Variants in UCKL1 observed in about 807,000 individuals in gnomAD.
UCKL1 encodes uridine-cytidine kinase 1 like 1, also known as uridine-cytidine kinase-like 1.
A neutral mutation model predicts 59.2 loss-of-function variants in UCKL1; 65 were observed. The ratio of observed to expected loss-of-function variants is 1.10; its 90% CI spans 0.90 to 1.35. The LOEUF (loss-of-function observed/expected upper bound fraction) is 1.35. Among genes scored for constraint, UCKL1 ranks in the 40% most tolerant of loss-of-function variants. The pLI is 0.00. For synonymous variants in UCKL1, 410 were observed against 323.1 expected (o/e 1.27, Z -2.88); for missense variants, 703 against 784.3 (o/e 0.90, Z 1.24).
At position 63,945,983 on chromosome 20, in the gene UCKL1, G is replaced by A. The variant is rs933917697; in HGVS notation, c.412-8C>T. 3.1e-6 allele frequency: 5 copies of A among 1,613,522 alleles called. No homozygotes were observed. The highest frequency in any genetic ancestry group is 1.7e-5 in the Admixed American group (1 of 60,006). ...CTGCTGCTCAGTCAGCACCTGGTGG[G>A]GGAGGCTGTGGAGCAGCTGTGGGCA... On this transcript the variant is annotated splice_region_variant and splice_polypyrimidine_tract_variant and intron_variant, in intron 3 of 14. Transcript: ENST00000354216.
intron 8 of UCKL1, chr20:63,942,628 G>A (rs1376939865): frequency 6.9e-6 from 4 of 578,798 alleles, no homozygotes; most frequent in African/African-American, 1.9e-5. Context: ...AGGAGTGTGG[G>A]CGGTCAGGCC....
intron 13 of UCKL1, 26 bp downstream of exon 13, chr20:63,940,352 G>T (rs1045381622): frequency 7.8e-5 from 126 of 1,611,520 alleles, no homozygotes; most frequent in Non-Finnish European, 1.0e-4. Flanking sequence ...GCCTGAACCT[G>T]CCCCGCCTAC....
At chr20:63,944,796 A>G (rs1230774703) in intron 5 of UCKL1, 62 bp from the exon 6 acceptor site, 1 of 1,584,786 alleles carries the variant, frequency 6.3e-7, no homozygotes, top group African/African-American at 1.3e-5. Context: ...AGACACTGGG[A>G]CCAGCCCCTG....
chr20:63,943,926 AGT>A (rs1465204921), intron 7 of UCKL1, among the ~76,000 whole-genome samples: 3 of 152,094 alleles, frequency 2.0e-5, no homozygotes, highest in Non-Finnish European at 4.4e-5. Context: ...CCTGGTAGGG[AGT>A]GTGTTCAGAG....
chr20:63,945,467 C>G (rs1446648431), intron 5 of UCKL1, among the ~76,000 whole-genome samples, 184 bp downstream of exon 5: 2 of 152,226 alleles, frequency 1.3e-5, no homozygotes, highest in African/African-American at 2.4e-5. Context: ...CACGCTCTGC[C>G]TTTTGGGGCC....
chr20:63,945,278 TGA>T (rs2055847777), intron 5 of UCKL1, among the ~76,000 whole-genome samples: 1 of 152,148 alleles, frequency 6.6e-6, no homozygotes, highest in African/African-American at 2.4e-5. Flanking sequence ...CAGGCCAACC[TGA>T]GTCACACTCA....
chr20:63,942,594 A>T (rs775507913), intron 8 of UCKL1: 1 of 760,268 alleles, frequency 1.3e-6, no homozygotes, highest in South Asian at 1.6e-5. Flanking sequence ...GTTGGGGAGC[A>T]GGGCGTTCCC....
At chr20:63,946,673 CCA>C in intron 1 of UCKL1, 30 bp from the exon 2 acceptor site, 3 of 1,591,816 alleles carry the variant, frequency 1.9e-6, no homozygotes, top group Non-Finnish European at 2.6e-6. Context: ...CGGATGTGGC[CCA>C]GAGCTGCCCA....
chr20:63,955,103 C>A (rs979396696), intron 1 of UCKL1: 3 of 152,122 alleles, frequency 2.0e-5, no homozygotes, highest in Non-Finnish European at 4.4e-5. Flanking sequence ...AAAAATTAGC[C>A]GGGCGTGGTG....
intron 8 of UCKL1, chr20:63,941,487 G>A: frequency 2.0e-6 from 1 of 489,064 alleles, no homozygotes; most frequent in Non-Finnish European, 3.9e-6. Flanking sequence ...CCCAGTGCGG[G>A]ACCCCTCCTG....
At chr20:63,941,880 G>C (rs2146390833) in intron 8 of UCKL1, among the ~76,000 whole-genome samples, 1 of 151,718 alleles carries the variant, frequency 6.6e-6, no homozygotes, top group East Asian at 2.0e-4. Context: ...GAAAGGGGGT[G>C]ATGCAGGGGC....
At position 63,944,397 on chromosome 20, in the gene UCKL1, C is replaced by T. The variant is rs1194086815; in HGVS notation, c.906G>A (p.Glu302=). The part of the protein sequence containing the change: ...IVQHVHSQLE[E]RELSVRAALA... ...CGTGGGGACGTGGGACCCCGCTCAC[C>T]TCCTCCAGCTGGCTGTGCACGTGCT... The change falls in exon 7 of 15, where the codon GAG becomes GAA. Residue 302 remains glutamate (E), a splice_region_variant and synonymous_variant. Transcript: ENST00000354216. The T allele has an allele frequency of 5.8e-6, 9 of 1,560,542 alleles. No individual in the cohort carries two copies. In the South Asian group the frequency reaches 5.9e-5, roughly 10 times the overall value.
rs2057473329 is a variant in UCKL1 at position 63,950,820 on chromosome 20, T to C, written c.114-4177A>G. 2.0e-6 allele frequency: 3 copies of C among 1,533,712 alleles called. No individual in the cohort carries two copies. In the African/African-American group the frequency reaches 4.2e-5, roughly 21 times the overall value. On this transcript the variant is annotated intron_variant, in intron 1 of 14. Transcript: ENST00000354216. The stretch of plus-strand genomic sequence containing the variant: ...CTGATGCCAGGGTAAGCTGGGGGGC[T>C]GCTCATGGTCGAGGACACGGGTGGG...
intron 8 of UCKL1, 57 bp downstream of exon 8, chr20:63,943,596 G>A: frequency 1.2e-6 from 2 of 1,611,522 alleles, no homozygotes; most frequent in Non-Finnish European, 1.7e-6. Context: ...AGACCCCAGA[G>A]CTCCTTGGAG....
chr20:63,945,516 T>G, intron 5 of UCKL1, 135 bp downstream of exon 5: 2 of 852,514 alleles, frequency 2.3e-6, no homozygotes, highest in Non-Finnish European at 1.8e-6. Flanking sequence ...GGGGTTGGGG[T>G]TGGGGTAGGG....
At chr20:63,942,629 C>T (rs546793558) in intron 8 of UCKL1, 6 of 563,642 alleles carry the variant, frequency 1.1e-5, no homozygotes, top group South Asian at 4.6e-5. Context: ...GGAGTGTGGG[C>T]GGTCAGGCCC....
intron 1 of UCKL1, among the ~76,000 whole-genome samples, chr20:63,949,213 T>C (rs778819091): frequency 6.6e-5 from 10 of 152,088 alleles, no homozygotes; most frequent in Non-Finnish European, 1.3e-4. Context: ...GAGATCGTTC[T>C]GGAGCTGAGT....
intron 1 of UCKL1, chr20:63,954,539 G>A (rs2058237420): frequency 6.6e-6 from 1 of 152,386 alleles, no homozygotes; most frequent in South Asian, 2.1e-4. Flanking sequence ...GGCAGCAGCA[G>A]AGGTTGAAGA....
At chr20:63,950,609 C>T (rs563391269) in intron 1 of UCKL1, 8 of 935,682 alleles carry the variant, frequency 8.5e-6, no homozygotes, top group African/African-American at 3.4e-5. Context: ...ATGGCACCTT[C>T]GACCCTGGGC....
Sources: allele counts gnomAD v4.1 joint callset (sites outside exome capture counted in the v4.1 genomes callset), GRCh38; gene constraint gnomAD v4.1.1; transcripts MANE v1.5; gene names NCBI Gene and HGNC (gene_info 2026-07-23, HGNC 2026-07-21).